The following GDAP1 variants were observed in gnomAD, a reference collection of about 807,000 sequenced individuals.
GDAP1 encodes the protein ganglioside-induced differentiation-associated protein 1.
In GDAP1, 34 loss-of-function variants were observed where a neutral mutation model predicts 40.1. That is an observed-to-expected ratio of 0.85 (90% CI 0.64 to 1.13). GDAP1 has a LOEUF of 1.13. Among genes scored for constraint, GDAP1 ranks in the 50% most tolerant of loss-of-function variants. GDAP1 has a pLI of 0.00. For missense variants in GDAP1, 374 were observed against 433.7 expected, an observed-to-expected ratio of 0.86 and a Z score of 1.22; for synonymous variants, 170 against 157.4, an observed-to-expected ratio of 1.08 and a Z score of -0.60.
intron 2 of GDAP1, among the ~76,000 whole-genome samples, chr8:74,459,150 C>G (rs1806370960): frequency 6.6e-6 from 1 of 152,038 alleles, no homozygotes; most frequent in Admixed American, 6.6e-5. Flanking sequence ...GTGTGCTGTG[C>G]CAACACTTGG....
At chr8:74,418,384 C>G (rs763801868) in intron 2 of GDAP1, among the ~76,000 whole-genome samples, 22 of 152,234 alleles carry the variant, frequency 1.4e-4, no homozygotes, top group South Asian at 6.2e-4. Flanking sequence ...AATAAACTCA[C>G]AGAAATATGG....
chr8:74,360,440 G>A lies in GDAP1; in HGVS notation c.484+130G>A, dbSNP rs147963380. The A allele has an allele frequency of 5.7e-5, 45 of 791,136 alleles. No homozygotes were observed. In the African/African-American group the frequency reaches 7.6e-4, roughly 13 times the overall value. 49.0% of individuals were successfully genotyped at this position (791,136 alleles called of 1,614,324 possible). ...GTTGTTGAGTTTGCTTCATGGATGTGCATGTTATGGATCGATCCATGAACC... is the reference window on the plus strand; with the variant it reads ...GTTGTTGAGTTTGCTTCATGGATGTACATGTTATGGATCGATCCATGAACC... On this transcript the variant is annotated intron_variant, in intron 3 of 5. Transcript: ENST00000220822.
chr8:74,486,175 G>C (rs1806774275), intron 2 of GDAP1, among the ~76,000 whole-genome samples: 1 of 152,160 alleles, frequency 6.6e-6, no homozygotes, highest in Non-Finnish European at 1.5e-5. Flanking sequence ...ACAGGAAAAT[G>C]TTTGGTATCA....
At chr8:74,445,921 C>T (rs567087972) in intron 2 of GDAP1, among the ~76,000 whole-genome samples, 21 of 152,236 alleles carry the variant, frequency 1.4e-4, no homozygotes, top group Middle Eastern at 3.4e-3. Context: ...ACATTTGGAG[C>T]AGAGGGATGA....
chr8:74,442,580 T>C (rs1806176212), intron 2 of GDAP1, among the ~76,000 whole-genome samples: 1 of 152,194 alleles, frequency 6.6e-6, no homozygotes, highest in South Asian at 2.1e-4. Context: ...GGAAATTCAG[T>C]TTAAAAACAA....
chr8:74,462,257 T>C (rs1040251420), intron 2 of GDAP1, among the ~76,000 whole-genome samples: 1 of 152,208 alleles, frequency 6.6e-6, no homozygotes, highest in African/African-American at 2.4e-5. Context: ...TTATTTTTTA[T>C]TGATTGTGTG....
chr8:74,444,896 C>T (rs1485245336), intron 2 of GDAP1, among the ~76,000 whole-genome samples: 3 of 152,126 alleles, frequency 2.0e-5, no homozygotes, highest in African/African-American at 7.2e-5. Flanking sequence ...ATCTATTATG[C>T]TCACTGATTT....
chr8:74,422,296 T>C lies in GDAP1; in HGVS notation c.166-66382T>C, dbSNP rs1462819818. On this transcript the variant is annotated intron_variant, in intron 2 of 2. Coordinates refer to the GDAP1 transcript ENST00000523640. ...TCTTTTCTTTTTTCTTTTCTTTCTT[T>C]CTTTCTTTCTTTCTTTCTTTCTTTC... Among the ~76,000 whole-genome samples the C allele has an allele frequency of 9.5e-5, 3 of 31,424 alleles. No homozygotes were observed. In the East Asian group the frequency reaches 2.8e-3, roughly 29 times the overall value. 20.6% of individuals were successfully genotyped at this position (31,424 alleles called of 152,430 possible). A position where few individuals can be genotyped will look rare whatever the true frequency, so the allele number is the denominator to read the frequency against.
intron 2 of GDAP1, among the ~76,000 whole-genome samples, chr8:74,422,262 TTTTTC>T (rs1331778465): frequency 8.1e-4 from 122 of 150,170 alleles, no homozygotes; most frequent in Middle Eastern, 3.4e-3. Flanking sequence ...TCTTTCTTTC[TTTTTC>T]TTTTCTTTTC....
intron 2 of GDAP1, among the ~76,000 whole-genome samples, chr8:74,391,539 C>A (rs936028279): frequency 6.6e-6 from 1 of 151,654 alleles, no homozygotes. Context: ...AATGAGATGA[C>A]CTGGGTACCT....
chr8:74,474,309 G>C (rs1290369863), intron 2 of GDAP1, among the ~76,000 whole-genome samples: 3 of 151,998 alleles, frequency 2.0e-5, no homozygotes, highest in Non-Finnish European at 4.4e-5. Flanking sequence ...GATTGTTCTG[G>C]CCAGGACTTC....
At chr8:74,379,093 G>A (rs1447505398) in intron 2 of GDAP1, among the ~76,000 whole-genome samples, 1 of 137,648 alleles carries the variant, frequency 7.3e-6, no homozygotes, top group Non-Finnish European at 1.6e-5. Context: ...TCCATTAAAT[G>A]TGGGTCATAG....
At chr8:74,415,356 A>G (rs1325480076) in intron 2 of GDAP1, among the ~76,000 whole-genome samples, 2 of 150,226 alleles carry the variant, frequency 1.3e-5, no homozygotes, top group Non-Finnish European at 2.9e-5. Flanking sequence ...AAACTGGCAG[A>G]TTGGAGGCAT....
intron 4 of GDAP1, among the ~76,000 whole-genome samples, chr8:74,362,413 C>T (rs1271601362): frequency 6.6e-6 from 1 of 152,130 alleles, no homozygotes; most frequent in African/African-American, 2.4e-5. Context: ...AAGCTTCTCT[C>T]ATATTAAAAG....
chr8:74,396,354 TTTA>T (rs993148799), intron 2 of GDAP1, among the ~76,000 whole-genome samples: 9 of 151,118 alleles, frequency 6.0e-5, no homozygotes, highest in African/African-American at 9.7e-5. Context: ...TTCCTTTTAT[TTTA>T]TTATTATTAT....
At chr8:74,450,515 T>C (rs924439514) in intron 2 of GDAP1, among the ~76,000 whole-genome samples, 1 of 151,950 alleles carries the variant, frequency 6.6e-6, no homozygotes, top group Non-Finnish European at 1.5e-5. Context: ...TGAATGACTG[T>C]ATATTAGATG....
Position 74,360,492 on chromosome 8 carries a change from C to A in GDAP1, c.484+182C>A, listed in dbSNP as rs4310196. Among the ~76,000 whole-genome samples the A allele has an allele frequency of 0.48, 73,588 of 152,008 alleles. 18,027 individuals carry two copies. The highest frequency in any genetic ancestry group is 0.6 in the East Asian group (3,084 of 5,160). On this transcript the variant is annotated intron_variant, in intron 3 of 5. Transcript: ENST00000220822. ...GTCGGATTAATCTGTGCTTCACTTG[C>A]TCAATTGGACATTTATTGTCTATAG... is the stretch of plus-strand genomic sequence containing the variant.
At chr8:74,472,709 CTTT>C in intron 2 of GDAP1, among the ~76,000 whole-genome samples, 1 of 6,774 alleles carries the variant, frequency 1.5e-4, no homozygotes, top group African/African-American at 2.7e-4. Flanking sequence ...ATTGAGCTTT[CTTT>C]TCTTTTCTTT....
chr8:74,440,732 A>G (rs2131571647), intron 2 of GDAP1, among the ~76,000 whole-genome samples: 1 of 152,194 alleles, frequency 6.6e-6, no homozygotes, highest in African/African-American at 2.4e-5. Context: ...ACTAAACTTT[A>G]GTATATGAAT....
Sources: gnomAD v4.1 joint callset for allele counts (sites outside exome capture counted in the v4.1 genomes callset) on GRCh38, gnomAD v4.1.1 for gene constraint, MANE v1.5 for transcripts, NCBI Gene and HGNC (gene_info 2026-07-23, HGNC 2026-07-21) for gene names.